PDZD9: variants seen among roughly 807,000 people sequenced by gnomAD.
The protein encoded by PDZD9 is PDZ domain-containing protein 9.
A neutral mutation model predicts 16.3 loss-of-function variants in PDZD9; 13 were observed. The observed-to-expected ratio is 0.80, with a 90% confidence interval of 0.52 to 1.27. The LOEUF is 1.27. PDZD9 is among the 50% of genes most tolerant of loss of function. The probability of loss-of-function intolerance (pLI) is 0.00; values close to 1 mark genes in which losing one functional copy is unlikely to be tolerated. For missense variants in PDZD9, 288 were observed against 310.9 expected, an observed-to-expected ratio of 0.93 and a Z score of 0.55; for synonymous variants, 120 against 111.0, an observed-to-expected ratio of 1.08 and a Z score of -0.51.
chr16:21,980,765 AG>A, downstream of PDZD9: 1 of 1,576,336 alleles, frequency 6.3e-7, no homozygotes, highest in Non-Finnish European at 8.7e-7. Flanking sequence ...CAATTTCAGA[AG>A]GATGCATAAG....
chr16:21,964,799 G>T, the PDZD9 span, among the ~76,000 whole-genome samples: 1 of 152,190 alleles, frequency 6.6e-6, no homozygotes, highest in Non-Finnish European at 1.5e-5. Flanking sequence ...GGCAGGCATT[G>T]TATGTTCCAC....
In PDZD9 at chr16:21,983,943, T is replaced by G. The variant is rs574234871; in HGVS notation, c.*324A>C. ...GAGAAACTAAATATTTAAAGAAAAA[T>G]GTAGTGTTTACATAAAGTGACATTC... On this transcript the variant is annotated 3_prime_UTR_variant, in exon 4 of 4. Transcript: ENST00000424898. 1 of 185,246 alleles carries G rather than the reference T, an allele frequency of 5.4e-6. No homozygotes were observed. Among genetic ancestry groups the G allele is most frequent in the East Asian group, 1.4e-4 (1 of 7,264 alleles). 11.5% of individuals were successfully genotyped at this position (185,246 alleles called of 1,614,324 possible). A position where few individuals can be genotyped will look rare whatever the true frequency, so the allele number is the denominator to read the frequency against.
intron 2 of PDZD9, among the ~76,000 whole-genome samples, chr16:21,992,267 AAAAG>A: frequency 6.6e-6 from 1 of 151,834 alleles, no homozygotes; most frequent in Non-Finnish European, 1.5e-5. Flanking sequence ...TGGAGTTAAA[AAAAG>A]ATAATAGATG....
chr16:21,960,601 A>T, the PDZD9 span, among the ~76,000 whole-genome samples: 42 of 152,326 alleles, frequency 2.8e-4, no homozygotes, highest in African/African-American at 9.4e-4. Context: ...CGTTTTTAAC[A>T]TGCCTTCCTG....
chr16:21,971,556 T>C, the PDZD9 span: 1 of 1,614,176 alleles, frequency 6.2e-7, no homozygotes, highest in East Asian at 2.2e-5. Context: ...AGCAAGTTGC[T>C]GAACAGTTTC....
At chr16:21,961,928 C>T in the PDZD9 span, among the ~76,000 whole-genome samples, 1 of 151,942 alleles carries the variant, frequency 6.6e-6, no homozygotes. Context: ...GCTGGGATTA[C>T]AGGTGTGAGC....
chr16:21,962,953 G>A, the PDZD9 span: 5 of 1,510,396 alleles, frequency 3.3e-6, no homozygotes, highest in Admixed American at 2.2e-5. Context: ...ATTTATAGAA[G>A]AAAAAAAATT....
the PDZD9 span, among the ~76,000 whole-genome samples, chr16:21,963,454 T>C: frequency 6.6e-6 from 1 of 151,928 alleles, no homozygotes; most frequent in Non-Finnish European, 1.5e-5. Context: ...TCCTTCCCAA[T>C]GTTTTGTTTT....
the PDZD9 span, chr16:21,962,653 T>C: frequency 3.1e-6 from 5 of 1,592,412 alleles, no homozygotes; most frequent in Admixed American, 8.4e-5. Flanking sequence ...AAAACACTGC[T>C]TACCACAAGA....
At position 21,984,246 on chromosome 16, in the gene PDZD9, G is replaced by A. The variant is rs1898810865; in HGVS notation, c.*21C>T. 3.1e-6 allele frequency: 5 copies of A among 1,587,326 alleles called. No homozygotes were observed. The highest frequency in any genetic ancestry group is 4.5e-5 in the East Asian group (2 of 44,560). On this transcript the variant is annotated 3_prime_UTR_variant, in exon 4 of 4. Transcript: ENST00000424898. Reference sequence around the variant, plus strand: ...AAACTTGGGTGTCTGCAAGATAAATGCTCATATGACCACAGATTTGCTAAC... The same window carrying A: ...AAACTTGGGTGTCTGCAAGATAAATACTCATATGACCACAGATTTGCTAAC...
At position 21,984,276 on chromosome 16, in the gene PDZD9, C is replaced by T; in HGVS notation, c.786G>A (p.Lys262=). The T allele has an allele frequency of 6.2e-7, 1 of 1,606,156 alleles. No individual in the cohort carries two copies. The highest frequency in any genetic ancestry group is 8.5e-7 in the Non-Finnish European group (1 of 1,174,702). ...VEEGKAQLVS[K]VG is the part of the protein sequence containing the mutation. The stretch of plus-strand genomic sequence containing the variant: ...TATGACCACAGATTTGCTAACCAAC[C>T]TTTGATACCAGTTGGGCTTTACCCT... Residue 262 remains lysine (K), a synonymous_variant, in exon 4 of 4, where the codon AAG becomes AAA. Transcript: ENST00000424898.
At chr16:21,973,103 A>G in the PDZD9 span, among the ~76,000 whole-genome samples, 3 of 152,174 alleles carry the variant, frequency 2.0e-5, no homozygotes, top group Non-Finnish European at 4.4e-5. Flanking sequence ...CTGTCTCAAA[A>G]ATATATATAA....
At chr16:21,976,091 C>T in the PDZD9 span, 2 of 977,254 alleles carry the variant, frequency 2.0e-6, no homozygotes, top group South Asian at 1.4e-5. Flanking sequence ...GTTTTTGCCT[C>T]AGTAAAGAAG....
chr16:21,980,576 C>T, downstream of PDZD9: 1 of 1,614,156 alleles, frequency 6.2e-7, no homozygotes, highest in Non-Finnish European at 8.5e-7. Context: ...TACCTAATGT[C>T]AGTGGAGTCT....
At chr16:21,982,963 C>CA (rs1036084484), downstream of PDZD9, 36,791 of 533,780 alleles carry the variant, frequency 0.069, 777 homozygotes, top group African/African-American at 0.27. Context: ...GACTCCACCT[C>CA]AAAAAAAAAA....
In PDZD9 at chr16:21,988,802, A is replaced by G; in HGVS notation, c.212-11T>C. On this transcript the variant is annotated splice_polypyrimidine_tract_variant and intron_variant, in intron 2 of 3. Transcript: ENST00000424898. ...TAATCAGAACATCACCTGAAGAGGG[A>G]AAAAATTATGTATCAGTAAAACTAG... The G allele has an allele frequency of 6.3e-7, 1 of 1,585,834 alleles. No individual in the cohort carries two copies. Among genetic ancestry groups the G allele is most frequent in the Non-Finnish European group, 8.5e-7 (1 of 1,169,918 alleles).
the PDZD9 span, chr16:21,968,575 A>C: frequency 6.7e-7 from 1 of 1,487,142 alleles, no homozygotes; most frequent in East Asian, 2.4e-5. Flanking sequence ...ATGTTTTTAC[A>C]GCTTTTTATA....
intron 2 of PDZD9, among the ~76,000 whole-genome samples, chr16:21,995,533 TGCC>T (rs1899126839): frequency 1.3e-5 from 2 of 152,104 alleles, no homozygotes; most frequent in South Asian, 4.2e-4. Context: ...TGAATTAATA[TGCC>T]CAACAGTGAT....
chr16:21,981,839 CTCT>C (rs1448040403), downstream of PDZD9, among the ~76,000 whole-genome samples: 1 of 151,298 alleles, frequency 6.6e-6, no homozygotes, highest in African/African-American at 2.4e-5. Flanking sequence ...TCATTTCATA[CTCT>C]TCTTTTTTTT....
Sources: gnomAD v4.1 joint callset for allele counts (sites outside exome capture counted in the v4.1 genomes callset) on GRCh38, gnomAD v4.1.1 for gene constraint, MANE v1.5 for transcripts, NCBI Gene and HGNC (gene_info 2026-07-23, HGNC 2026-07-21) for gene names.